Variants in STXBP6 observed in about 807,000 individuals in gnomAD.
STXBP6 encodes syntaxin-binding protein 6.
Under a neutral mutation model 26.9 loss-of-function variants are expected in STXBP6, and 21 were observed. The ratio of observed to expected loss-of-function variants is 0.78; its 90% confidence interval spans 0.55 to 1.12. STXBP6 has a LOEUF of 1.12. Among genes scored for constraint, STXBP6 ranks in the 50% most tolerant of loss-of-function variants. The pLI, the probability that STXBP6 is intolerant of heterozygous loss-of-function variation, is 0.00. For synonymous variants in STXBP6, 97 were observed against 92.6 expected, an observed-to-expected ratio of 1.05 and a Z score of -0.27; for missense variants, 232 against 257.9, an observed-to-expected ratio of 0.90 and a Z score of 0.69.
intron 2 of STXBP6, among the ~76,000 whole-genome samples, chr14:24,861,035 C>CA (rs1347708448): frequency 2.0e-5 from 3 of 151,720 alleles, no homozygotes; most frequent in Non-Finnish European, 4.4e-5. Flanking sequence ...GGCCATTTCT[C>CA]AAAAAAAGAA....
chr14:25,032,921 T>C lies in STXBP6; in HGVS notation c.-33+16957A>G, dbSNP rs182203099. 1.4e-4 allele frequency among the ~76,000 whole-genome samples: 22 copies of C among 152,318 alleles called. No homozygotes were observed. The East Asian group carries it at 3.3e-3, about 23-fold the overall frequency. Reference sequence around the variant, plus strand: ...GCACATCTCTATATGATGAAATGCATTGGGGGTTGTACTACAACTATGAAT... The same window carrying C: ...GCACATCTCTATATGATGAAATGCACTGGGGGTTGTACTACAACTATGAAT... On this transcript the variant is annotated intron_variant, in intron 1 of 5. Transcript: ENST00000323944.
chr14:25,044,512 CCT>C (rs1566583210), intron 1 of STXBP6, among the ~76,000 whole-genome samples: 1 of 152,186 alleles, frequency 6.6e-6, no homozygotes, highest in Non-Finnish European at 1.5e-5. Flanking sequence ...TCCAGGCACC[CCT>C]GACTGCTTTC....
intron 4 of STXBP6, among the ~76,000 whole-genome samples, chr14:24,855,558 A>C (rs854328): frequency 0.078 from 11,925 of 152,140 alleles, 560 homozygotes; most frequent in East Asian, 0.18. Flanking sequence ...TCTTGAGAAA[A>C]AATAGAAAAA....
chr14:24,912,441 CAAAA>C (rs373713561), intron 2 of STXBP6, among the ~76,000 whole-genome samples: 1 of 101,096 alleles, frequency 9.9e-6, no homozygotes, highest in Non-Finnish European at 2.1e-5. Flanking sequence ...AAGTGAATGC[CAAAA>C]AAAAAAAAAA....
At chr14:24,900,202 G>C (rs1226508411) in intron 2 of STXBP6, among the ~76,000 whole-genome samples, 2 of 152,136 alleles carry the variant, frequency 1.3e-5, no homozygotes, top group African/African-American at 4.8e-5. Flanking sequence ...GGTCTACAGA[G>C]AGCACTTACA....
chr14:25,045,428 C>CT (rs2075709982), intron 1 of STXBP6, among the ~76,000 whole-genome samples: 1 of 151,976 alleles, frequency 6.6e-6, no homozygotes, highest in South Asian at 2.1e-4. Context: ...GAGCTAACTG[C>CT]TCAGCAATTC....
At chr14:24,861,844 C>A (rs2069549861) in intron 2 of STXBP6, among the ~76,000 whole-genome samples, 1 of 152,136 alleles carries the variant, frequency 6.6e-6, no homozygotes, top group Admixed American at 6.5e-5. Context: ...AGTTGCAAAC[C>A]AGACCAACTT....
intron 2 of STXBP6, among the ~76,000 whole-genome samples, chr14:24,863,367 T>C (rs1209551929): frequency 6.6e-6 from 1 of 152,168 alleles, no homozygotes; most frequent in Non-Finnish European, 1.5e-5. Flanking sequence ...TGGCTGCTTC[T>C]TTGATGCCTT....
In STXBP6 at chr14:25,050,055, G is replaced by A. The variant is rs2075783292; in HGVS notation, c.-210C>T. 2 of 184,656 alleles carry A rather than the reference G, an allele frequency of 1.1e-5. No homozygotes were observed. The highest frequency in any genetic ancestry group is 2.0e-5 in the Non-Finnish European group (2 of 98,130). The allele number at this position is 184,656 out of a possible 1,614,324, so 11.4% of individuals were successfully genotyped here. ...CGCGCCGGCTCCTGCTGCCGCGCGCGAAAAGGGAGGGGTTGGGGGGAAACT... is the reference window on the plus strand; with the variant it reads ...CGCGCCGGCTCCTGCTGCCGCGCGCAAAAAGGGAGGGGTTGGGGGGAAACT... On this transcript the variant is annotated 5_prime_UTR_variant, in exon 1 of 6. Transcript: ENST00000323944.
At chr14:24,973,087 C>T (rs1012013269) in intron 2 of STXBP6, among the ~76,000 whole-genome samples, 1 of 152,156 alleles carries the variant, frequency 6.6e-6, no homozygotes, top group Non-Finnish European at 1.5e-5. Flanking sequence ...TACTACACTC[C>T]AGCCTGGGCA....
intron 2 of STXBP6, among the ~76,000 whole-genome samples, chr14:24,957,285 C>G (rs1209912284): frequency 1.3e-5 from 2 of 152,212 alleles, no homozygotes; most frequent in Admixed American, 6.5e-5. Flanking sequence ...TTGTAAGCAT[C>G]TAGCCTTGGT....
At chr14:25,027,401 C>A (rs970269362) in intron 1 of STXBP6, among the ~76,000 whole-genome samples, 2 of 152,114 alleles carry the variant, frequency 1.3e-5, no homozygotes, top group Non-Finnish European at 2.9e-5. Flanking sequence ...TTTTGGAGTG[C>A]CACAAACCAT....
intron 1 of STXBP6, among the ~76,000 whole-genome samples, chr14:25,016,590 A>G (rs897627038): frequency 6.6e-6 from 1 of 152,216 alleles, no homozygotes; most frequent in Non-Finnish European, 1.5e-5. Flanking sequence ...AGAAATTCAC[A>G]TTCTAGAGAA....
At chr14:24,943,157 T>C (rs1366109884) in intron 2 of STXBP6, among the ~76,000 whole-genome samples, 1 of 152,152 alleles carries the variant, frequency 6.6e-6, no homozygotes, top group Non-Finnish European at 1.5e-5. Flanking sequence ...GGGAAATCTG[T>C]TTTCAATCTC....
At chr14:24,920,371 C>T (rs1464736681) in intron 2 of STXBP6, among the ~76,000 whole-genome samples, 2 of 151,952 alleles carry the variant, frequency 1.3e-5, no homozygotes, top group African/African-American at 4.8e-5. Context: ...AAAATATTTA[C>T]TCATAAAATA....
chr14:24,832,304 T>C (rs2138921941), intron 4 of STXBP6, among the ~76,000 whole-genome samples: 1 of 152,360 alleles, frequency 6.6e-6, no homozygotes, highest in East Asian at 1.9e-4. Flanking sequence ...ACAGCTTCTC[T>C]TTCTGACTGT....
rs145264104 is a variant in STXBP6 at position 24,971,040 on chromosome 14, A to G, written c.154+3625T>C. Among the ~76,000 whole-genome samples, 39 of 152,366 alleles carry G rather than the reference A, an allele frequency of 2.6e-4. No homozygotes were observed. In the East Asian group the frequency reaches 7.5e-3, roughly 29 times the overall value. On this transcript the variant is annotated intron_variant, in intron 2 of 5. Coordinates refer to ENST00000323944, the MANE Select transcript of STXBP6 (RefSeq NM_001394410.1). ...CACTCAAATCCTATCCCAAGACACC[A>G]TAATGAACTGGAGAGATTATTTTTC...
intron 2 of STXBP6, among the ~76,000 whole-genome samples, chr14:24,873,173 C>T (rs949042164): frequency 2.0e-5 from 3 of 152,104 alleles, no homozygotes; most frequent in African/African-American, 7.2e-5. Context: ...ATAAGCCTCC[C>T]TCAAATAAAA....
intron 4 of STXBP6, among the ~76,000 whole-genome samples, chr14:24,843,255 T>C (rs1314254511): frequency 6.6e-6 from 1 of 152,216 alleles, no homozygotes; most frequent in Non-Finnish European, 1.5e-5. Flanking sequence ...ATCAGTGTTA[T>C]TAGCATTCAC....
Sources: allele counts gnomAD v4.1 joint callset (sites outside exome capture counted in the v4.1 genomes callset), GRCh38; gene constraint gnomAD v4.1.1; transcripts MANE v1.5; gene names NCBI Gene and HGNC (gene_info 2026-07-23, HGNC 2026-07-21).